The following AK8 variants were observed in gnomAD, a reference collection of about 807,000 sequenced individuals.
The protein encoded by AK8 is adenylate kinase 8, also known as ATP-AMP transphosphorylase 8.
In AK8, 44 loss-of-function variants were observed where a neutral mutation model predicts 54.6. The ratio of observed to expected loss-of-function variants is 0.81; its 90% CI spans 0.63 to 1.04. AK8 has a LOEUF of 1.04. AK8 is among the 50% of genes least tolerant of loss of function. The pLI is 0.00. For synonymous variants in AK8, 239 were observed against 245.6 expected, an observed-to-expected ratio of 0.97 and a Z score of 0.25; for missense variants, 555 against 613.6, an observed-to-expected ratio of 0.90 and a Z score of 1.01.
In AK8 at chr9:132,790,659, G is replaced by A. The variant is rs1839910095; in HGVS notation, c.1121+1975C>T. Among the ~76,000 whole-genome samples the A allele has an allele frequency of 6.6e-6, 1 of 152,118 alleles. No homozygotes were observed. The highest frequency in any genetic ancestry group is 1.5e-5 in the Non-Finnish European group (1 of 68,024). On this transcript the variant is annotated intron_variant, in intron 11 of 12. Coordinates refer to ENST00000298545, the MANE Select transcript of AK8 (RefSeq NM_152572.3). The surrounding 1 kb of genome is among the most constrained non-coding windows in gnomAD (Gnocchi z 4.1). The stretch of plus-strand genomic sequence containing the variant: ...TATGGTCAGGAAAAACCACCGTGTC[G>A]ATCATGACACCCTGTTCTGAAAGTA...
At chr9:132,727,619 G>GT in intron 11 of AK8, 85 bp from the exon 12 acceptor site, 3 of 1,308,452 alleles carry the variant, frequency 2.3e-6, no homozygotes, top group Non-Finnish European at 3.2e-6. Flanking sequence ...TGAGAATCCT[G>GT]GAGAGACTGC....
At chr9:132,748,351 G>A (rs976113966) in intron 11 of AK8, among the ~76,000 whole-genome samples, 6 of 150,206 alleles carry the variant, frequency 4.0e-5, no homozygotes, top group South Asian at 4.1e-4. Flanking sequence ...ATTTCAATAA[G>A]AGTGGGCAGA....
chr9:132,814,278 CAAAAAAAAAAAAAAAAAA>C (rs71376658), intron 10 of AK8, among the ~76,000 whole-genome samples: 1 of 63,890 alleles, frequency 1.6e-5, no homozygotes, highest in South Asian at 6.9e-4. Context: ...TACCCTGTCT[CAAAAAAAAAAAAAAAAAA>C]AAAAAAAAAA....
In AK8 at chr9:132,869,833, G is replaced by GT. The variant is rs548585137; in HGVS notation, c.170-2881dup. Among the ~76,000 whole-genome samples the GT allele has an allele frequency of 1.9e-4, 29 of 151,242 alleles. No individual in the cohort carries two copies. In the East Asian group the frequency reaches 5.8e-3, roughly 30 times the overall value. On this transcript the variant is annotated intron_variant, in intron 2 of 12. Transcript: ENST00000298545. The stretch of plus-strand genomic sequence containing the variant: ...GGAGTGGCAGGGAGGGTGGTCAAGG[G>GT]TGGAGGAGCCTTGGGCCACGAGGCA...
At chr9:132,821,733 G>GTA (rs34838809) in intron 9 of AK8, among the ~76,000 whole-genome samples, 1,322 of 131,342 alleles carry the variant, frequency 0.01, 47 homozygotes, top group African/African-American at 0.016. Context: ...ATACATATAT[G>GTA]TATATTTGTA....
intron 2 of AK8, among the ~76,000 whole-genome samples, chr9:132,867,244 C>A (rs986632073): frequency 6.6e-6 from 1 of 152,160 alleles, no homozygotes; most frequent in Non-Finnish European, 1.5e-5. Context: ...ATTTCAAACA[C>A]CACAAAGCAT....
At chr9:132,743,000 C>T (rs770365141) in intron 11 of AK8, among the ~76,000 whole-genome samples, 5 of 152,196 alleles carry the variant, frequency 3.3e-5, no homozygotes, top group Non-Finnish European at 7.3e-5. Flanking sequence ...ATTGTGATTC[C>T]GCTGAAGGAA....
intron 11 of AK8, among the ~76,000 whole-genome samples, chr9:132,752,757 C>G (rs1838002108): frequency 1.3e-5 from 2 of 149,818 alleles, no homozygotes; most frequent in Admixed American, 6.7e-5. Context: ...TCCTCCCCTC[C>G]TCCTGCAGCT....
At chr9:132,785,372 G>C (rs1394665062) in intron 11 of AK8, among the ~76,000 whole-genome samples, 1 of 152,224 alleles carries the variant, frequency 6.6e-6, no homozygotes, top group Admixed American at 6.5e-5. Flanking sequence ...AAAGTGCTGG[G>C]ATTACAGGCG....
At chr9:132,810,656 G>A (rs1840957892) in intron 10 of AK8, among the ~76,000 whole-genome samples, 3 of 152,170 alleles carry the variant, frequency 2.0e-5, no homozygotes, top group Admixed American at 2.0e-4. Context: ...AGACTGTGCT[G>A]TCAGATGGTG....
At chr9:132,805,389 G>C (rs1411471911) in intron 10 of AK8, among the ~76,000 whole-genome samples, 2 of 152,188 alleles carry the variant, frequency 1.3e-5, no homozygotes, top group Non-Finnish European at 2.9e-5. Context: ...CAGTGACAAG[G>C]AACAGCGCTA....
chr9:132,854,352 T>C (rs557966245), intron 5 of AK8, among the ~76,000 whole-genome samples: 85 of 152,370 alleles, frequency 5.6e-4, no homozygotes, highest in Non-Finnish European at 8.4e-4. Flanking sequence ...ACAGGTGCTA[T>C]GCTGCTGTCC....
intron 5 of AK8, among the ~76,000 whole-genome samples, chr9:132,843,621 A>C (rs1471570625): frequency 6.6e-6 from 1 of 152,170 alleles, no homozygotes; most frequent in Non-Finnish European, 1.5e-5. Flanking sequence ...TCCAGGGATG[A>C]AGCTGAACCG....
intron 11 of AK8, among the ~76,000 whole-genome samples, chr9:132,760,016 G>C (rs1838377746): frequency 6.6e-6 from 1 of 152,118 alleles, no homozygotes; most frequent in Non-Finnish European, 1.5e-5. Flanking sequence ...ATTTGGGAAG[G>C]GGTGACATCT....
At chr9:132,849,165 C>T (rs919900579) in intron 5 of AK8, among the ~76,000 whole-genome samples, 5 of 152,254 alleles carry the variant, frequency 3.3e-5, no homozygotes, top group Middle Eastern at 3.4e-3. Context: ...GTCTCAGCCT[C>T]CCAAAGTGCT....
At chr9:132,746,431 G>A (rs1837656352) in intron 11 of AK8, among the ~76,000 whole-genome samples, 1 of 152,234 alleles carries the variant, frequency 6.6e-6, no homozygotes, top group South Asian at 2.1e-4. Context: ...ATGGCCAAGG[G>A]CAGCCCCAGG....
intron 4 of AK8, among the ~76,000 whole-genome samples, chr9:132,859,280 G>T (rs1444707801): frequency 1.3e-5 from 2 of 151,936 alleles, no homozygotes; most frequent in Non-Finnish European, 2.9e-5. Flanking sequence ...TTTGAGACAG[G>T]GTCTCACTCT....
chr9:132,816,875 G>T (rs1055171994), intron 9 of AK8, among the ~76,000 whole-genome samples: 1 of 152,188 alleles, frequency 6.6e-6, no homozygotes, highest in South Asian at 2.1e-4. Context: ...CTGGAGCTCT[G>T]AGACGGCCAG....
chr9:132,742,157 G>A (rs1837419785), intron 11 of AK8, among the ~76,000 whole-genome samples: 1 of 149,618 alleles, frequency 6.7e-6, no homozygotes, highest in African/African-American at 2.5e-5. Context: ...TCCACGAGTT[G>A]ATGGACTTGG....
Sources: allele counts gnomAD v4.1 joint callset (sites outside exome capture counted in the v4.1 genomes callset), GRCh38; gene constraint gnomAD v4.1.1; non-coding constraint Gnocchi (gnomAD v3.1); transcripts MANE v1.5; gene names NCBI Gene and HGNC (gene_info 2026-07-23, HGNC 2026-07-21).